The following TBC1D22A variants were observed in gnomAD, a reference collection of about 807,000 sequenced individuals.
TBC1D22A encodes the protein TBC1 domain family member 22A, also known as putative GTPase activator.
In TBC1D22A, 38 loss-of-function variants were observed where a neutral mutation model predicts 60.2. The observed-to-expected ratio is 0.63, with a 90% CI of 0.49 to 0.83. The LOEUF is 0.83. TBC1D22A is among the 40% of genes least tolerant of loss of function. The pLI is 0.00. For missense variants in TBC1D22A, 628 were observed against 701.0 expected (o/e 0.90, Z 1.18); for synonymous variants, 302 against 281.7 (o/e 1.07, Z -0.72).
At chr22:47,118,033 G>T (rs890120506) in intron 12 of TBC1D22A, among the ~76,000 whole-genome samples, 11 of 152,164 alleles carry the variant, frequency 7.2e-5, no homozygotes, top group African/African-American at 2.2e-4. Context: ...TGAGGTAAGA[G>T]AATCACTTGA....
At chr22:47,172,254 G>A (rs539508402) in intron 12 of TBC1D22A, among the ~76,000 whole-genome samples, 1 of 152,302 alleles carries the variant, frequency 6.6e-6, no homozygotes, top group African/African-American at 2.4e-5. Context: ...GGAGCCCACT[G>A]TGTGCCCACC....
At chr22:47,047,834 ACTC>A (rs2063080592) in intron 11 of TBC1D22A, among the ~76,000 whole-genome samples, 1 of 152,106 alleles carries the variant, frequency 6.6e-6, no homozygotes, top group East Asian at 1.9e-4. Context: ...GTCTGCCTCT[ACTC>A]CTTGCCTTTG....
At chr22:46,967,935 A>T (rs6009077) in intron 8 of TBC1D22A, among the ~76,000 whole-genome samples, 66,807 of 150,718 alleles carry the variant, frequency 0.44, 16,757 homozygotes, top group African/African-American at 0.7. Context: ...ATGATTCCAG[A>T]GCACCCCCTG....
chr22:47,110,158 C>A (rs1462565145), intron 11 of TBC1D22A, among the ~76,000 whole-genome samples: 1 of 152,184 alleles, frequency 6.6e-6, no homozygotes, highest in Non-Finnish European at 1.5e-5. Flanking sequence ...GCTGCTTTTA[C>A]CTGGAATATT....
intron 6 of TBC1D22A, 60 bp downstream of exon 6, chr22:46,891,454 T>C: frequency 6.6e-7 from 1 of 1,514,414 alleles, no homozygotes; most frequent in Non-Finnish European, 8.8e-7. Flanking sequence ...CTGTGATTTA[T>C]AGGAGGAAAT....
chr22:47,164,015 G>A (rs2030765550), intron 12 of TBC1D22A, among the ~76,000 whole-genome samples: 2 of 152,198 alleles, frequency 1.3e-5, no homozygotes, highest in African/African-American at 2.4e-5. Flanking sequence ...TTCCTTGTAC[G>A]AAGCAGCCAT....
chr22:47,037,307 G>A (rs978332003), intron 11 of TBC1D22A, 109 bp downstream of exon 11: 240 of 1,464,656 alleles, frequency 1.6e-4, no homozygotes, highest in Non-Finnish European at 2.0e-4. Flanking sequence ...TCTTCCAAGC[G>A]CTCTCTCCAT....
intron 10 of TBC1D22A, among the ~76,000 whole-genome samples, chr22:47,022,224 A>G (rs560950538): frequency 1.3e-5 from 2 of 152,328 alleles, no homozygotes; most frequent in South Asian, 4.1e-4. Flanking sequence ...TCATGTTTTC[A>G]GGGAGCTGAC....
intron 4 of TBC1D22A, among the ~76,000 whole-genome samples, chr22:46,816,148 G>A (rs1195748806): frequency 2.0e-5 from 3 of 152,156 alleles, no homozygotes; most frequent in African/African-American, 2.4e-5. Flanking sequence ...CTCCTGCTGC[G>A]GCCGGCCGCC....
At position 46,808,222 on chromosome 22, in the gene TBC1D22A, A is replaced by G. The variant is rs2085232422; in HGVS notation, c.637+10602A>G. Among the ~76,000 whole-genome samples, 3 of 152,010 alleles carry G rather than the reference A, an allele frequency of 2.0e-5. No individual in the cohort carries two copies. The South Asian group carries it at 6.2e-4, about 31-fold the overall frequency. ...AAAATACAAAAATTAGCCGGGCGTG[A>G]TGGCACACGCCTGTAATCCCAGCTA... is the stretch of plus-strand genomic sequence containing the variant. On this transcript the variant is annotated intron_variant, in intron 4 of 12. Coordinates refer to ENST00000337137, the MANE Select transcript of TBC1D22A (RefSeq NM_014346.5).
intron 12 of TBC1D22A, among the ~76,000 whole-genome samples, chr22:47,118,466 A>G (rs962021639): frequency 4.6e-5 from 7 of 152,386 alleles, no homozygotes; most frequent in Middle Eastern, 3.4e-3. Flanking sequence ...GTTCAAAAGC[A>G]CAAGGAATGT....
chr22:47,097,353 T>C (rs956697228), intron 11 of TBC1D22A, among the ~76,000 whole-genome samples: 5 of 152,230 alleles, frequency 3.3e-5, no homozygotes, highest in Admixed American at 1.3e-4. Context: ...CGGTGACTCA[T>C]GCCTGTAATC....
At chr22:47,040,505 G>A (rs1490012845) in intron 11 of TBC1D22A, among the ~76,000 whole-genome samples, 1 of 152,012 alleles carries the variant, frequency 6.6e-6, no homozygotes, top group Non-Finnish European at 1.5e-5. Context: ...TCGAGCAAGT[G>A]GGGTCAGAGG....
chr22:47,160,537 T>C (rs1398645725), intron 12 of TBC1D22A, among the ~76,000 whole-genome samples: 2 of 152,200 alleles, frequency 1.3e-5, no homozygotes, highest in African/African-American at 2.4e-5. Flanking sequence ...TCCGGGGCAG[T>C]GGGAGGTCTA....
chr22:46,919,021 G>A (rs1011428496), intron 8 of TBC1D22A, among the ~76,000 whole-genome samples: 3 of 152,094 alleles, frequency 2.0e-5, no homozygotes, highest in African/African-American at 4.8e-5. Flanking sequence ...AAACCATAAC[G>A]TTTACCCACT....
intron 11 of TBC1D22A, among the ~76,000 whole-genome samples, chr22:47,076,376 TATATACACACACAC>T (rs963799307): frequency 9.5e-6 from 1 of 105,634 alleles, no homozygotes; most frequent in African/African-American, 4.2e-5. Context: ...TATATATATA[TATATACACACACAC>T]ACACACACAC....
chr22:47,129,061 G>A (rs375746350), intron 12 of TBC1D22A, among the ~76,000 whole-genome samples: 18 of 152,324 alleles, frequency 1.2e-4, no homozygotes, highest in South Asian at 4.1e-4. Context: ...GGTGAGTGCC[G>A]TCACCTCTTG....
intron 11 of TBC1D22A, among the ~76,000 whole-genome samples, chr22:47,097,694 T>G (rs1432805564): frequency 2.0e-5 from 3 of 152,228 alleles, no homozygotes; most frequent in Non-Finnish European, 2.9e-5. Flanking sequence ...CCATTTTGAA[T>G]CTTTTTGTGT....
At chr22:46,890,496 G>A (rs1001457072) in intron 5 of TBC1D22A, among the ~76,000 whole-genome samples, 1 of 152,168 alleles carries the variant, frequency 6.6e-6, no homozygotes, top group African/African-American at 2.4e-5. Context: ...ATGTGCATAA[G>A]TTACATGCAA....
Sources: allele counts gnomAD v4.1 joint callset (sites outside exome capture counted in the v4.1 genomes callset), GRCh38; gene constraint gnomAD v4.1.1; transcripts MANE v1.5; gene names NCBI Gene and HGNC (gene_info 2026-07-23, HGNC 2026-07-21).